CEP76: variants seen among roughly 807,000 people sequenced by gnomAD.
CEP76 encodes centrosomal protein of 76 kDa.
Under a neutral mutation model 83.3 loss-of-function variants are expected in CEP76, and 55 were observed. That is an observed-to-expected ratio of 0.66 (90% CI 0.53 to 0.83). The LOEUF (loss-of-function observed/expected upper bound fraction) is 0.83. CEP76 is among the 40% of genes least tolerant of loss of function. The pLI is 0.00. For missense variants in CEP76, 694 were observed against 799.5 expected (o/e 0.87, Z 1.59); for synonymous variants, 270 against 274.5 (o/e 0.98, Z 0.16).
intron 8 of CEP76, among the ~76,000 whole-genome samples, chr18:12,681,254 A>G (rs1307680623): frequency 7.4e-6 from 1 of 134,982 alleles, no homozygotes; most frequent in Non-Finnish European, 1.6e-5. Flanking sequence ...GAAAAGTAGA[A>G]CATTTTTTTT....
intron 7 of CEP76, among the ~76,000 whole-genome samples, chr18:12,690,085 GGC>G (rs143190723): frequency 0.25 from 37,481 of 151,886 alleles, 5,114 homozygotes; most frequent in Non-Finnish European, 0.32. Context: ...CACCGCGCCC[GGC>G]CAGGAAGCCA....
chr18:12,671,208 T>G (rs1175657157), downstream of CEP76: 3 of 152,118 alleles, frequency 2.0e-5, no homozygotes, highest in South Asian at 6.2e-4. Flanking sequence ...CCTCCAAAAG[T>G]GCTGGGATTA....
chr18:12,700,369 G>A (rs1208896569), intron 2 of CEP76: 1 of 152,592 alleles, frequency 6.6e-6, no homozygotes, highest in Non-Finnish European at 1.5e-5. Flanking sequence ...ATTGTATTAT[G>A]AAGTCCATCC....
In CEP76 at chr18:12,674,464, TA is replaced by T. The variant is rs1332546252; in HGVS notation, c.1841+71del. ...GTTAAAAAAAAAAAAAAAAGGAAAT[TA>T]AAAAAACCCCTGCCGGACTGATCTG... On this transcript the variant is annotated intron_variant, in intron 11 of 11. Transcript: ENST00000262127. 9.8e-6 allele frequency: 11 copies of T among 1,116,948 alleles called. No homozygotes were observed. The East Asian group carries it at 1.0e-4, about 10-fold the overall frequency. 69.2% of individuals were successfully genotyped at this position (1,116,948 alleles called of 1,614,324 possible). A position where few individuals can be genotyped will look rare whatever the true frequency, so the allele number is the denominator to read the frequency against.
At chr18:12,679,806 TA>T (rs2039280379) in intron 9 of CEP76, among the ~76,000 whole-genome samples, 1 of 152,108 alleles carries the variant, frequency 6.6e-6, no homozygotes, top group South Asian at 2.1e-4. Context: ...CTCATGCCTA[TA>T]ATCTCAGCAC....
intron 8 of CEP76, chr18:12,684,428 A>C (rs1447627622): frequency 6.7e-6 from 1 of 148,932 alleles, no homozygotes; most frequent in Non-Finnish European, 1.5e-5. Context: ...TGTCACCTTT[A>C]TTTATTTTTT....
At chr18:12,698,535 A>T (rs2040041134) in intron 4 of CEP76, among the ~76,000 whole-genome samples, 1 of 152,124 alleles carries the variant, frequency 6.6e-6, no homozygotes, top group Non-Finnish European at 1.5e-5. Flanking sequence ...CCTGGCTTCA[A>T]ATGATTCTCT....
At chr18:12,666,436 G>GTTTTTT (rs557490556) in intron 12 of CEP76, among the ~76,000 whole-genome samples, 5 of 126,624 alleles carry the variant, frequency 3.9e-5, no homozygotes, top group African/African-American at 5.8e-5. Flanking sequence ...AAATTTTATG[G>GTTTTTT]TTTTTTTTTT....
downstream of CEP76, among the ~76,000 whole-genome samples, chr18:12,668,782 A>G (rs2038864381): frequency 1.8e-5 from 2 of 111,814 alleles, no homozygotes; most frequent in South Asian, 5.9e-4. Flanking sequence ...TCTGTCACCC[A>G]GGCTGGAGTG....
At position 12,678,192 on chromosome 18, in the gene CEP76, G is replaced by A. The variant is rs780891111; in HGVS notation, c.1540C>T (p.Leu514=). The change falls in exon 10 of 12, where the codon CTG becomes TTG. Residue 514 remains leucine (L), a synonymous_variant. Transcript: ENST00000262127. The part of the protein sequence containing the change: ...ATTSLPPFPP[L]CASTIDASVT... ...GACGCGTCAATTGTGGATGCACACA[G>A]AGGTGGAAAGGGAGGAAGGGATGTT... 1.2e-6 allele frequency: 2 copies of A among 1,614,186 alleles called. No homozygotes were observed. Among genetic ancestry groups the A allele is most frequent in the East Asian group, 4.5e-5 (2 of 44,882 alleles).
chr18:12,697,602 A>G (rs2040000863), intron 4 of CEP76, among the ~76,000 whole-genome samples, 194 bp from the exon 5 acceptor site: 1 of 152,260 alleles, frequency 6.6e-6, no homozygotes, highest in African/African-American at 2.4e-5. Flanking sequence ...TTTTCAGAAG[A>G]CTGGCAAATT....
chr18:12,676,354 G>T (rs1268543323), intron 10 of CEP76, among the ~76,000 whole-genome samples: 1 of 148,740 alleles, frequency 6.7e-6, no homozygotes, highest in Non-Finnish European at 1.5e-5. Flanking sequence ...CACAATCTCG[G>T]CTCACTGCAA....
At chr18:12,674,020 T>C (rs1303196057) in intron 11 of CEP76, among the ~76,000 whole-genome samples, 2 of 152,140 alleles carry the variant, frequency 1.3e-5, no homozygotes, top group African/African-American at 4.8e-5. Context: ...TGCACCAAAA[T>C]CACTGGGCAA....
intron 4 of CEP76, among the ~76,000 whole-genome samples, chr18:12,698,495 G>C (rs1243248972): frequency 6.6e-6 from 1 of 152,104 alleles, no homozygotes; most frequent in South Asian, 2.1e-4. Flanking sequence ...TAGAGACAAT[G>C]TCTCACTTTG....
downstream of CEP76, among the ~76,000 whole-genome samples, chr18:12,667,654 G>A (rs543628112): frequency 4.6e-5 from 7 of 150,888 alleles, no homozygotes; most frequent in South Asian, 6.3e-4. Context: ...CCAGCTACTC[G>A]GGAGGCTGAG....
downstream of CEP76, among the ~76,000 whole-genome samples, chr18:12,672,411 G>A (rs1162264890): frequency 6.6e-6 from 1 of 152,058 alleles, no homozygotes; most frequent in Non-Finnish European, 1.5e-5. Flanking sequence ...CCACTACGCC[G>A]AGCCTTACAA....
At chr18:12,683,837 C>T (rs1598632805) in intron 8 of CEP76, among the ~76,000 whole-genome samples, 1 of 150,542 alleles carries the variant, frequency 6.6e-6, no homozygotes, top group South Asian at 2.1e-4. Context: ...AAGCAAGATA[C>T]AAAAATTTAT....
chr18:12,665,721 G>C (rs1461514396), intron 12 of CEP76, among the ~76,000 whole-genome samples: 6 of 151,990 alleles, frequency 3.9e-5, no homozygotes, highest in Non-Finnish European at 7.4e-5. Flanking sequence ...TTTTGAGACA[G>C]AGTCTTGCTC....
At chr18:12,683,774 G>T (rs1385075895) in intron 8 of CEP76, among the ~76,000 whole-genome samples, 1 of 151,100 alleles carries the variant, frequency 6.6e-6, no homozygotes, top group Non-Finnish European at 1.5e-5. Flanking sequence ...AAGGAAATCA[G>T]AAAGACTGTA....
Sources: gnomAD v4.1 joint callset for allele counts (sites outside exome capture counted in the v4.1 genomes callset) on GRCh38, gnomAD v4.1.1 for gene constraint, MANE v1.5 for transcripts, NCBI Gene and HGNC (gene_info 2026-07-23, HGNC 2026-07-21) for gene names.